The following ZFYVE9 variants were observed in gnomAD, a reference collection of about 807,000 sequenced individuals.
ZFYVE9 encodes the protein zinc finger FYVE-type containing 9, also known as zinc finger FYVE domain-containing protein 9.
In ZFYVE9, 43 loss-of-function variants were observed where a neutral mutation model predicts 126.7. The ratio of observed to expected loss-of-function variants is 0.34; its 90% CI spans 0.27 to 0.44. The LOEUF (loss-of-function observed/expected upper bound fraction) is 0.44, where lower values mean the gene tolerates loss of function less well. ZFYVE9 is among the 20% of genes least tolerant of loss of function. ZFYVE9 has a pLI of 1.00. For missense variants in ZFYVE9, 1,476 were observed against 1,697.0 expected (o/e 0.87, Z 2.29); for synonymous variants, 521 against 597.4 (o/e 0.87, Z 1.87).
chr1:52,205,632 C>T (rs1168022482), intron 1 of ZFYVE9, among the ~76,000 whole-genome samples: 1 of 151,856 alleles, frequency 6.6e-6, no homozygotes, highest in Non-Finnish European at 1.5e-5. Flanking sequence ...CTTGGCCTCC[C>T]AGAGCACTGG....
At chr1:52,311,818 T>G (rs1569732971) in intron 13 of ZFYVE9, among the ~76,000 whole-genome samples, 1 of 152,024 alleles carries the variant, frequency 6.6e-6, no homozygotes, top group East Asian at 1.9e-4. Flanking sequence ...TTAGATGAAG[T>G]CTCACTCCAT....
At chr1:52,328,962 CT>C (rs1266512025) in intron 13 of ZFYVE9, among the ~76,000 whole-genome samples, 1 of 152,072 alleles carries the variant, frequency 6.6e-6, no homozygotes, top group Non-Finnish European at 1.5e-5. Flanking sequence ...ATGATGATGC[CT>C]TAGAGTTGTA....
chr1:52,177,152 T>A (rs1297892430), intron 1 of ZFYVE9, among the ~76,000 whole-genome samples: 1 of 151,280 alleles, frequency 6.6e-6, no homozygotes, highest in Non-Finnish European at 1.5e-5. Flanking sequence ...AGCCCGATTT[T>A]TTTTTTTTTT....
intron 1 of ZFYVE9, among the ~76,000 whole-genome samples, chr1:52,155,302 C>T (rs796102980): frequency 9.6e-5 from 13 of 135,540 alleles, no homozygotes; most frequent in Admixed American, 1.7e-4. Flanking sequence ...GGCGCGATTT[C>T]GGCTCACTGC....
intron 2 of ZFYVE9, among the ~76,000 whole-genome samples, chr1:52,228,405 G>C (rs1645188900): frequency 6.6e-6 from 1 of 152,174 alleles, no homozygotes; most frequent in African/African-American, 2.4e-5. Flanking sequence ...AGGAAGGAAT[G>C]TTTACCACCC....
In ZFYVE9 at chr1:52,216,487, TTTTA is replaced by T. The variant is rs1286162139; in HGVS notation, c.-37+17_-37+20del. 1 of 398,352 alleles carries T rather than the reference TTTTA, an allele frequency of 2.5e-6. No individual in the cohort carries two copies. The highest frequency in any genetic ancestry group is 4.4e-6 in the Non-Finnish European group (1 of 225,962). The allele number at this position is 398,352 out of a possible 1,614,324, so 24.7% of individuals were successfully genotyped here. A position where few individuals can be genotyped will look rare whatever the true frequency, so the allele number is the denominator to read the frequency against. On this transcript the variant is annotated intron_variant, in intron 2 of 18. Coordinates refer to ENST00000287727, the MANE Select transcript of ZFYVE9 (RefSeq NM_004799.4). ...TAAGGGGAAAAAGGTAAGAAAATGT[TTTTA>T]TTTCTCTTAGAGATTGAACTTGAGA...
chr1:52,345,366 G>A (rs1646474308), intron 18 of ZFYVE9, among the ~76,000 whole-genome samples: 2 of 152,168 alleles, frequency 1.3e-5, no homozygotes, highest in South Asian at 2.1e-4. Flanking sequence ...TGCCCAGCAA[G>A]CTGCTTCTGG....
At chr1:52,227,128 A>G (rs1645177675) in intron 2 of ZFYVE9, among the ~76,000 whole-genome samples, 1 of 152,240 alleles carries the variant, frequency 6.6e-6, no homozygotes, top group South Asian at 2.1e-4. Flanking sequence ...TGACTTTTCC[A>G]TGTAAGCTGT....
chr1:52,289,360 C>T (rs1311554942), intron 10 of ZFYVE9, among the ~76,000 whole-genome samples: 1 of 152,088 alleles, frequency 6.6e-6, no homozygotes, highest in African/African-American at 2.4e-5. Flanking sequence ...GAAATGGTAC[C>T]GTTCTGCTTA....
intron 13 of ZFYVE9, among the ~76,000 whole-genome samples, chr1:52,316,039 C>G (rs907751908): frequency 1.6e-4 from 25 of 151,750 alleles, no homozygotes; most frequent in Admixed American, 2.6e-4. Flanking sequence ...GTGGTGCATG[C>G]TTGTAGTCCC....
chr1:52,324,150 G>A (rs1055987936), intron 13 of ZFYVE9, among the ~76,000 whole-genome samples: 24 of 152,070 alleles, frequency 1.6e-4, no homozygotes, highest in African/African-American at 5.6e-4. Flanking sequence ...CTGGGAGGCT[G>A]AGGTGGGAGG....
At chr1:52,278,117 CTT>C (rs1645766003) in intron 8 of ZFYVE9, among the ~76,000 whole-genome samples, 1 of 152,138 alleles carries the variant, frequency 6.6e-6, no homozygotes, top group African/African-American at 2.4e-5. Flanking sequence ...TATATTATCA[CTT>C]TCTTGTATAT....
At chr1:52,334,574 A>T (rs1646372307) in intron 14 of ZFYVE9, 114 bp from the exon 15 acceptor site, 10 of 1,070,750 alleles carry the variant, frequency 9.3e-6, no homozygotes, top group South Asian at 2.9e-5. Context: ...TTGATTTTTT[A>T]AAATTTTCTG....
At chr1:52,255,614 T>A (rs1569596962) in intron 4 of ZFYVE9, among the ~76,000 whole-genome samples, 2 of 144,858 alleles carry the variant, frequency 1.4e-5, no homozygotes, top group Admixed American at 1.4e-4. Flanking sequence ...AATTTTAGGC[T>A]GGATGCAGTG....
intron 6 of ZFYVE9, among the ~76,000 whole-genome samples, 159 bp downstream of exon 6, chr1:52,266,990 A>T (rs1181710802): frequency 6.6e-6 from 1 of 152,180 alleles, no homozygotes; most frequent in African/African-American, 2.4e-5. Context: ...TGTCAAGACT[A>T]TTTCTGGGCA....
chr1:52,239,585 C>T lies in ZFYVE9; in HGVS notation c.2168C>T (p.Ala723Val). ...TFTKRRHHCR[A>V]CGKVFCASCC... ...ACCAAAAGGAGGCATCACTGCAGAG[C>T]ATGTGGGAAGGTAAGTTGCATGTAT... is the stretch of plus-strand genomic sequence containing the variant. Residue 723 changes from alanine (A) to valine (V), a missense_variant, in exon 4 of 19, where the codon GCA (alanine) becomes GTA (valine). This residue lies in a region of ZFYVE9 where 669 missense variants were observed against 902.4 expected (regional missense o/e 0.74). Transcript: ENST00000287727. 6.2e-7 allele frequency: 1 copy of T among 1,610,256 alleles called. No individual in the cohort carries two copies. The highest frequency in any genetic ancestry group is 8.5e-7 in the Non-Finnish European group (1 of 1,177,246).
intron 13 of ZFYVE9, among the ~76,000 whole-genome samples, chr1:52,315,447 TTAAATAG>T (rs1159775459): frequency 6.6e-6 from 1 of 152,016 alleles, no homozygotes; most frequent in Non-Finnish European, 1.5e-5. Flanking sequence ...ATAACATATA[TTAAATAG>T]TAATGTATTG....
intron 1 of ZFYVE9, among the ~76,000 whole-genome samples, chr1:52,154,757 C>G (rs1351749438): frequency 6.6e-6 from 1 of 152,162 alleles, no homozygotes; most frequent in Non-Finnish European, 1.5e-5. Context: ...TAACCAGGTG[C>G]ACGACTCAAA....
intron 1 of ZFYVE9, among the ~76,000 whole-genome samples, chr1:52,196,061 G>T (rs1644857252): frequency 6.6e-6 from 1 of 152,006 alleles, no homozygotes; most frequent in African/African-American, 2.4e-5. Context: ...CAAAGTGCTG[G>T]GATTACAGGC....
Sources: allele counts gnomAD v4.1 joint callset (sites outside exome capture counted in the v4.1 genomes callset), GRCh38; gene constraint gnomAD v4.1.1; regional missense constraint gnomAD v4.1.1; transcripts MANE v1.5; gene names NCBI Gene and HGNC (gene_info 2026-07-23, HGNC 2026-07-21).